PHF12: variants seen among roughly 807,000 people sequenced by gnomAD.
PHF12 encodes the protein PHD finger protein 12.
In PHF12, 6 loss-of-function variants were observed where a neutral mutation model predicts 99.8. The ratio of observed to expected loss-of-function variants is 0.06; its 90% CI spans 0.03 to 0.12. The LOEUF (loss-of-function observed/expected upper bound fraction) is 0.12, where lower values mean the gene tolerates loss of function less well. PHF12 is among the 10% of genes least tolerant of loss of function. The pLI is 1.00. For synonymous variants in PHF12, 480 were observed against 514.9 expected, an observed-to-expected ratio of 0.93 and a Z score of 0.92; for missense variants, 954 against 1,300.1, an observed-to-expected ratio of 0.73 and a Z score of 4.09.
intron 2 of PHF12, among the ~76,000 whole-genome samples, chr17:28,934,923 C>T (rs2152673735): frequency 1.3e-5 from 2 of 152,320 alleles, no homozygotes; most frequent in East Asian, 3.9e-4. Flanking sequence ...TAGATTCCTT[C>T]TGAGAATTAT....
chr17:28,919,176 T>A lies in PHF12; in HGVS notation c.936A>T (p.Arg312Ser). The A allele has an allele frequency of 6.2e-7, 1 of 1,614,214 alleles. No individual in the cohort carries two copies. Among genetic ancestry groups the A allele is most frequent in the Non-Finnish European group, 8.5e-7 (1 of 1,180,026 alleles). The change falls in exon 6 of 15, where the codon AGA (arginine) becomes AGT (serine). Residue 312 changes from arginine (R) to serine (S), a missense_variant. By Grantham distance (110) the Arg-to-Ser change is moderately radical (BLOSUM62 -1). This residue lies in a region of PHF12 where 85 missense variants were observed against 196.6 expected (regional missense o/e 0.43). Coordinates refer to ENST00000332830, the MANE Select transcript of PHF12 (RefSeq NM_001033561.2). ...GTTCGATGTGATTCGGACACATCCA[T>A]CTGCCCAGGGGCATGGCAGTGAGCG... The part of the protein sequence containing the change: ...EPPLTAMPLG[R>S]WMCPNHIEHV...
chr17:28,950,088 C>A lies in PHF12; in HGVS notation c.225G>T (p.Pro75=). Residue 75 remains proline (P), a synonymous_variant, in exon 2 of 15, where the codon CCG becomes CCT. Coordinates refer to ENST00000332830, the MANE Select transcript of PHF12 (RefSeq NM_001033561.2). The surrounding 1 kb of genome is among the most constrained non-coding windows in gnomAD (Gnocchi z 5.7). ...ACCAGCACTGGAGGTGGAAGGCAGC[C>A]GGGCAGTGGTCGCAGCACAGGAGAT... The part of the protein sequence containing the change: ...GGDLLCCDHC[P]AAFHLQCCNP... 1 of 1,612,156 alleles carries A rather than the reference C, an allele frequency of 6.2e-7. No individual in the cohort carries two copies. Among genetic ancestry groups the A allele is most frequent in the Non-Finnish European group, 8.5e-7 (1 of 1,179,168 alleles).
chr17:28,950,334 C>T lies in PHF12; in HGVS notation c.67-88G>A, dbSNP rs957131650. 3 of 1,359,496 alleles carry T rather than the reference C, an allele frequency of 2.2e-6. No individual in the cohort carries two copies. Among genetic ancestry groups the T allele is most frequent in the South Asian group, 1.3e-5 (1 of 74,804 alleles). The allele number at this position is 1,359,496 out of a possible 1,614,324, so 84.2% of individuals were successfully genotyped here. On this transcript the variant is annotated intron_variant, in intron 1 of 14. Coordinates refer to ENST00000332830, the MANE Select transcript of PHF12 (RefSeq NM_001033561.2). This position sits in a 1 kb window ranked among gnomAD's most constrained non-coding sequence, Gnocchi z 5.7. ...CCGGCGCGGTTTCTCCGTCACCCAC[C>T]CCTCTCCCCCCTTTTGTCCTTCTTC...
rs1166750879 is a variant in PHF12, at chr17:28,923,917, G to A, written c.707C>T (p.Ala236Val). The change falls in exon 4 of 15, where the codon GCA becomes GTA. Residue 236 changes from alanine to valine, a missense_variant. By Grantham distance (64) the Ala-to-Val change is moderately conservative. Coordinates refer to ENST00000332830, the MANE Select transcript of PHF12 (RefSeq NM_001033561.2). ...QLPNELTCTT[A>V]LPGSSKRRRK... ...ATGATGGTTTGGCTGACCTGGTAGTGCAGTGGTACAAGTCAGTTCATTGGG... is the reference window on the plus strand; with the variant it reads ...ATGATGGTTTGGCTGACCTGGTAGTACAGTGGTACAAGTCAGTTCATTGGG... 1 of 1,608,786 alleles carries A rather than the reference G, an allele frequency of 6.2e-7. No individual in the cohort carries two copies. Among genetic ancestry groups the A allele is most frequent in the Non-Finnish European group, 8.5e-7 (1 of 1,177,710 alleles).
intron 2 of PHF12, among the ~76,000 whole-genome samples, chr17:28,931,616 G>C (rs868347883): frequency 6.9e-6 from 1 of 144,388 alleles, no homozygotes; most frequent in East Asian, 2.1e-4. Context: ...TAGTCTCACC[G>C]TATCACCCAA....
intron 6 of PHF12, among the ~76,000 whole-genome samples, chr17:28,917,975 T>C (rs984631475): frequency 6.6e-6 from 1 of 152,196 alleles, no homozygotes; most frequent in Non-Finnish European, 1.5e-5. Context: ...CCAAGGAGCA[T>C]AAGTTAACCC....
At chr17:28,915,636 C>T (rs1010981646) in intron 7 of PHF12, among the ~76,000 whole-genome samples, 1 of 152,078 alleles carries the variant, frequency 6.6e-6, no homozygotes, top group African/African-American at 2.4e-5. Flanking sequence ...GGGGTAAGAA[C>T]AGGATACCCC....
At chr17:28,921,603 C>G (rs2040166455) in intron 5 of PHF12, 85 bp downstream of exon 5, 20 of 1,503,208 alleles carry the variant, frequency 1.3e-5, no homozygotes, top group Non-Finnish European at 1.8e-5. Flanking sequence ...TCACATTTAA[C>G]ATACATGGTC....
In PHF12 at chr17:28,921,801, G is replaced by A; in HGVS notation, c.723C>T (p.Ser241=). The change falls in exon 5 of 15, where the codon AGC becomes AGT. Residue 241 remains serine, a synonymous_variant. Transcript: ENST00000332830. ...LTCTTALPGS[S]KRRRKEETTG... Reference sequence around the variant, plus strand: ...TGGTTTCCTCCTTTCTTCTCCTCTTGCTAGAACCTAGAAAAGAAAATGATG... The same window carrying A: ...TGGTTTCCTCCTTTCTTCTCCTCTTACTAGAACCTAGAAAAGAAAATGATG... The A allele has an allele frequency of 2.5e-6, 4 of 1,613,976 alleles. No individual in the cohort carries two copies. Among genetic ancestry groups the A allele is most frequent in the Non-Finnish European group, 3.4e-6 (4 of 1,179,978 alleles).
At chr17:28,928,456 C>A (rs2040326627) in intron 2 of PHF12, among the ~76,000 whole-genome samples, 1 of 152,158 alleles carries the variant, frequency 6.6e-6, no homozygotes. Flanking sequence ...ATGCTTTGCC[C>A]ATTTCAGCAG....
At chr17:28,948,155 T>A (rs1315650958) in intron 2 of PHF12, among the ~76,000 whole-genome samples, 3 of 152,220 alleles carry the variant, frequency 2.0e-5, no homozygotes, top group Non-Finnish European at 2.9e-5. Flanking sequence ...ATAAGAGAGC[T>A]TATCAAATTC....
intron 10 of PHF12, 137 bp downstream of exon 10, chr17:28,910,975 A>T: frequency 9.5e-7 from 1 of 1,050,432 alleles, no homozygotes; most frequent in Non-Finnish European, 1.3e-6. Context: ...CCAAAAGGAT[A>T]CTCCTCATTC....
chr17:28,949,923 G>A lies in PHF12; in HGVS notation c.248+142C>T. ...AGAACCCGGCGGACACCTGGGGGCGGGGAGGTGCTCGCCCCGGCAGCTGCA... is the reference window on the plus strand; with the variant it reads ...AGAACCCGGCGGACACCTGGGGGCGAGGAGGTGCTCGCCCCGGCAGCTGCA... On this transcript the variant is annotated intron_variant, in intron 2 of 14. Transcript: ENST00000332830. This position sits in a 1 kb window ranked among gnomAD's most constrained non-coding sequence, Gnocchi z 4.6. The A allele has an allele frequency of 1.1e-6, 1 of 950,180 alleles. No individual in the cohort carries two copies. Among genetic ancestry groups the A allele is most frequent in the Non-Finnish European group, 1.5e-6 (1 of 651,196 alleles). 58.9% of individuals were successfully genotyped at this position (950,180 alleles called of 1,614,324 possible). A position where few individuals can be genotyped will look rare whatever the true frequency, so the allele number is the denominator to read the frequency against.
intron 7 of PHF12, among the ~76,000 whole-genome samples, chr17:28,916,442 T>C (rs1245659359): frequency 2.6e-5 from 4 of 152,210 alleles, no homozygotes; most frequent in Non-Finnish European, 5.9e-5. Context: ...GTAATCCACC[T>C]GCCTTGGTCT....
chr17:28,910,199 TGTG>T lies in PHF12; in HGVS notation c.2359+24_2359+26del. On this transcript the variant is annotated intron_variant, in intron 11 of 14. Coordinates refer to ENST00000332830, the MANE Select transcript of PHF12 (RefSeq NM_001033561.2). ...CACACGTAGAGGGGAGATCTGATGATGTGGTGACAGGTGTGTACATGCGCACCT... is the reference window on the plus strand; with the variant it reads ...CACACGTAGAGGGGAGATCTGATGATGTGACAGGTGTGTACATGCGCACCT... 3 of 1,614,150 alleles carry T rather than the reference TGTG, an allele frequency of 1.9e-6. No homozygotes were observed. In the South Asian group the frequency reaches 3.3e-5, roughly 18 times the overall value.
At chr17:28,936,620 GCAGTTT>G (rs556194321) in intron 2 of PHF12, among the ~76,000 whole-genome samples, 214 of 152,252 alleles carry the variant, frequency 1.4e-3, no homozygotes, top group Non-Finnish European at 1.5e-3. Context: ...GCCATCTATA[GCAGTTT>G]CAGTTTCAGT....
At chr17:28,947,600 A>G (rs2040742405) in intron 2 of PHF12, among the ~76,000 whole-genome samples, 2 of 152,146 alleles carry the variant, frequency 1.3e-5, no homozygotes, top group Admixed American at 1.3e-4. Flanking sequence ...AAACAAACAA[A>G]AAACAACAAC....
At chr17:28,914,143 A>T in intron 7 of PHF12, 106 bp from the exon 8 acceptor site, 1 of 1,264,216 alleles carries the variant, frequency 7.9e-7, no homozygotes, top group Non-Finnish European at 1.1e-6. Flanking sequence ...TGCTCAAGGG[A>T]CCATCCACTC....
At chr17:28,908,732 C>G (rs758133914) in intron 12 of PHF12, 51 bp downstream of exon 12, 2 of 1,580,274 alleles carry the variant, frequency 1.3e-6, no homozygotes, top group Admixed American at 1.7e-5. Context: ...GGGTGTCAGT[C>G]TTTAGGGCTG....
Sources: gnomAD v4.1 joint callset for allele counts (sites outside exome capture counted in the v4.1 genomes callset) on GRCh38, gnomAD v4.1.1 for gene constraint, gnomAD v4.1.1 regional missense constraint, Gnocchi (gnomAD v3.1) non-coding constraint, MANE v1.5 for transcripts, NCBI Gene and HGNC (gene_info 2026-07-23, HGNC 2026-07-21) for gene names.